Variants in GALNTL6 observed in about 807,000 individuals in gnomAD.
GALNTL6 encodes polypeptide N-acetylgalactosaminyltransferase like 6, also known as polypeptide N-acetylgalactosaminyltransferase-like 6.
Under a neutral mutation model 73.7 loss-of-function variants are expected in GALNTL6, and 46 were observed. The ratio of observed to expected loss-of-function variants is 0.62; its 90% CI spans 0.49 to 0.80. The LOEUF (loss-of-function observed/expected upper bound fraction) is 0.80. Ranked by LOEUF, GALNTL6 falls within the 30% of genes least tolerant of loss-of-function variation. GALNTL6 has a pLI of 0.00. For synonymous variants in GALNTL6, 259 were observed against 263.7 expected (o/e 0.98, Z 0.17); for missense variants, 604 against 755.0 (o/e 0.80, Z 2.34).
At chr4:172,856,973 C>A (rs1744153333) in intron 7 of GALNTL6, among the ~76,000 whole-genome samples, 1 of 152,116 alleles carries the variant, frequency 6.6e-6, no homozygotes, top group South Asian at 2.1e-4. Context: ...TAGTAGAAAC[C>A]AAATTACTTT....
chr4:171,957,471 C>G (rs1369196891), intron 2 of GALNTL6, among the ~76,000 whole-genome samples: 2 of 152,148 alleles, frequency 1.3e-5, no homozygotes, highest in Non-Finnish European at 2.9e-5. Flanking sequence ...GGACAGCCAA[C>G]CTTGCTGCTG....
chr4:172,462,026 C>T (rs1205902638), intron 5 of GALNTL6, among the ~76,000 whole-genome samples: 2 of 152,116 alleles, frequency 1.3e-5, no homozygotes, highest in Non-Finnish European at 2.9e-5. Flanking sequence ...TGCTCTCTCT[C>T]CTTGACCTGA....
chr4:171,976,589 G>A (rs1397980984), intron 2 of GALNTL6, among the ~76,000 whole-genome samples: 1 of 152,158 alleles, frequency 6.6e-6, no homozygotes, highest in Admixed American at 6.5e-5. Flanking sequence ...AACATGCAGC[G>A]TTTCTCAAAA....
Position 172,952,164 on chromosome 4 carries a change from A to T in GALNTL6, c.1277A>T (p.Lys426Met), listed in dbSNP as rs370310928. 4 of 1,614,024 alleles carry T rather than the reference A, an allele frequency of 2.5e-6. No homozygotes were observed. The highest frequency in any genetic ancestry group is 1.7e-5 in the Admixed American group (1 of 60,008). ...CAGAAGGAGCTGCGCAAGCAGCTCA[A>T]GTGCAAGGACTTCAAATGGTTCATG... ...SAQKELRKQL[K>M]CKDFKWFMAA... Residue 426 changes from lysine to methionine, a missense_variant, in exon 10 of 13, where the codon AAG becomes ATG. This residue lies in a region of GALNTL6 where 261 missense variants were observed against 296.5 expected (regional missense o/e 0.88). Coordinates refer to ENST00000506823, the MANE Select transcript of GALNTL6 (RefSeq NM_001034845.3).
intron 4 of GALNTL6, among the ~76,000 whole-genome samples, chr4:172,338,211 GA>G (rs1200117999): frequency 2.0e-5 from 3 of 151,950 alleles, no homozygotes; most frequent in Non-Finnish European, 2.9e-5. Flanking sequence ...ACCTTGTCTT[GA>G]ATATCATTCA....
At chr4:171,957,799 G>T (rs561962930) in intron 2 of GALNTL6, among the ~76,000 whole-genome samples, 40 of 152,208 alleles carry the variant, frequency 2.6e-4, no homozygotes, top group Non-Finnish European at 1.6e-4. Context: ...ATGTCTTTGG[G>T]AAGAAAGTAA....
Position 172,439,070 on chromosome 4 carries a change from G to T in GALNTL6, c.553+90381G>T, listed in dbSNP as rs186384837. Among the ~76,000 whole-genome samples, 14 of 151,296 alleles carry T rather than the reference G, an allele frequency of 9.3e-5. No homozygotes were observed. In the East Asian group the frequency reaches 2.5e-3, roughly 27 times the overall value. ...GTTATAAATATTTCCCTCCATACTG[G>T]ATCATTTCTATCATTATACTAACAT... On this transcript the variant is annotated intron_variant, in intron 5 of 12. Transcript: ENST00000506823.
At chr4:172,883,046 T>C in intron 8 of GALNTL6, 139 bp downstream of exon 8, 2 of 548,520 alleles carry the variant, frequency 3.6e-6, no homozygotes, top group Non-Finnish European at 6.6e-6. Context: ...TGAGCTCTTG[T>C]AGTTTCTTTC....
Position 171,899,139 on chromosome 4 carries a change from A to C in GALNTL6, c.138+84421A>C, listed in dbSNP as rs147854273. 5.6e-3 allele frequency among the ~76,000 whole-genome samples: 356 copies of C among 63,778 alleles called. 1 individual carries two copies. The highest frequency in any genetic ancestry group is 0.025 in the African/African-American group (331 of 13,476). The allele number at this position is 63,778 out of a possible 152,430, so 41.8% of individuals were successfully genotyped here. ...TTAATATCTATACAAATTAATTTTT[A>C]AATCATTTAAAGATGAAAACATTTT... On this transcript the variant is annotated intron_variant, in intron 2 of 12. Coordinates refer to ENST00000506823, the MANE Select transcript of GALNTL6 (RefSeq NM_001034845.3).
At chr4:171,966,326 T>G (rs1739380155) in intron 2 of GALNTL6, among the ~76,000 whole-genome samples, 1 of 152,130 alleles carries the variant, frequency 6.6e-6, no homozygotes, top group Non-Finnish European at 1.5e-5. Context: ...GTGTGCCAAG[T>G]GGAGTTAATT....
chr4:172,888,899 AT>A (rs536053892), intron 8 of GALNTL6, among the ~76,000 whole-genome samples: 46 of 150,654 alleles, frequency 3.1e-4, no homozygotes, highest in Admixed American at 1.1e-3. Flanking sequence ...GAGCATGGAA[AT>A]TTTTTTTTTC....
intron 2 of GALNTL6, among the ~76,000 whole-genome samples, chr4:171,882,600 G>A (rs1048502915): frequency 6.6e-6 from 1 of 152,172 alleles, no homozygotes; most frequent in African/African-American, 2.4e-5. Flanking sequence ...AACTACTGGT[G>A]TAAGTCCAAG....
chr4:171,824,240 G>A (rs893318939), intron 2 of GALNTL6, among the ~76,000 whole-genome samples: 4 of 151,506 alleles, frequency 2.6e-5, no homozygotes, highest in East Asian at 1.9e-4. Flanking sequence ...CAACTGCATC[G>A]GAAATATCCT....
chr4:172,326,002 T>A (rs1394005691), intron 4 of GALNTL6, among the ~76,000 whole-genome samples: 6 of 151,808 alleles, frequency 4.0e-5, no homozygotes, highest in African/African-American at 1.4e-4. Context: ...TCTTACAAAG[T>A]ATATCACTGA....
chr4:172,838,298 T>C (rs1408326349), intron 7 of GALNTL6, among the ~76,000 whole-genome samples: 1 of 152,080 alleles, frequency 6.6e-6, no homozygotes, highest in Non-Finnish European at 1.5e-5. Flanking sequence ...CTATTCACTG[T>C]AGCAGCAGCG....
chr4:172,063,475 CT>C (rs11335617), intron 2 of GALNTL6, among the ~76,000 whole-genome samples: 57,309 of 151,608 alleles, frequency 0.38, 11,203 homozygotes, highest in African/African-American at 0.42. Context: ...TTTTAAAGAA[CT>C]TTTTTTTGGC....
intron 2 of GALNTL6, among the ~76,000 whole-genome samples, chr4:172,093,107 C>G (rs565443993): frequency 7.2e-5 from 11 of 151,918 alleles, no homozygotes; most frequent in Admixed American, 2.0e-4. Flanking sequence ...CTCCTGACCT[C>G]GTGATCCGCC....
intron 5 of GALNTL6, among the ~76,000 whole-genome samples, chr4:172,566,127 A>G (rs539161181): frequency 5.6e-4 from 86 of 152,318 alleles, no homozygotes; most frequent in African/African-American, 1.6e-3. Context: ...ACAATAATGA[A>G]TGGAACATTC....
In GALNTL6 at chr4:171,987,118, C is replaced by G. The variant is rs148758617; in HGVS notation, c.138+172400C>G. Among the ~76,000 whole-genome samples the G allele has an allele frequency of 8.9e-3, 1,353 of 152,236 alleles. 11 individuals are homozygous for G. Among genetic ancestry groups the G allele is most frequent in the Non-Finnish European group, 0.014 (941 of 68,012 alleles). The stretch of plus-strand genomic sequence containing the variant: ...AAAAAGGAGCATCTATACAGGAGCT[C>G]AAATGGGCTGTACCCTGTAGCATTC... On this transcript the variant is annotated intron_variant, in intron 2 of 12. Coordinates refer to ENST00000506823, the MANE Select transcript of GALNTL6 (RefSeq NM_001034845.3).
Sources: allele counts gnomAD v4.1 joint callset (sites outside exome capture counted in the v4.1 genomes callset), GRCh38; gene constraint gnomAD v4.1.1; regional missense constraint gnomAD v4.1.1; transcripts MANE v1.5; gene names NCBI Gene and HGNC (gene_info 2026-07-23, HGNC 2026-07-21).